The following ZBTB38 variants were observed in gnomAD, a reference collection of about 807,000 sequenced individuals.
ZBTB38 encodes the protein zinc finger and BTB domain containing 38, also known as zinc finger and BTB domain-containing protein 38.
ZBTB38 carries 20 observed loss-of-function variants against 76.8 expected under a neutral mutation model. That is an observed-to-expected ratio of 0.26 (90% confidence interval 0.18 to 0.38). The LOEUF (loss-of-function observed/expected upper bound fraction) is 0.38. Among genes scored for constraint, ZBTB38 ranks in the 10% least tolerant of loss-of-function variants. The pLI, the probability that ZBTB38 is intolerant of heterozygous loss-of-function variation, is 1.00. For missense variants in ZBTB38, 1,082 were observed against 1,482.3 expected (o/e 0.73, Z 4.43); for synonymous variants, 504 against 544.2 (o/e 0.93, Z 1.03).
At chr3:141,416,333 GGTT>G (rs1370607011) in intron 5 of ZBTB38, among the ~76,000 whole-genome samples, 5 of 152,196 alleles carry the variant, frequency 3.3e-5, no homozygotes, top group East Asian at 3.8e-4. Context: ...GTGAATTTAT[GGTT>G]GTTGTGATTT....
upstream of ZBTB38, among the ~76,000 whole-genome samples, chr3:141,364,941 G>GA (rs1428072097): frequency 2.0e-5 from 3 of 152,108 alleles, no homozygotes; most frequent in Non-Finnish European, 4.4e-5. Context: ...AATTGCTAGT[G>GA]AGAATGTAAA....
intron 5 of ZBTB38, among the ~76,000 whole-genome samples, chr3:141,430,665 G>A (rs1041286427): frequency 6.6e-6 from 1 of 152,224 alleles, no homozygotes; most frequent in Non-Finnish European, 1.5e-5. Flanking sequence ...GGAGTGGGGA[G>A]CGGCAGTGCA....
At chr3:141,351,312 G>A (rs191578073) in intron 1 of ZBTB38, among the ~76,000 whole-genome samples, 10 of 151,376 alleles carry the variant, frequency 6.6e-5, no homozygotes, top group African/African-American at 2.4e-4. Context: ...TTTAAAAAGA[G>A]GCATATGACA....
intron 2 of ZBTB38, among the ~76,000 whole-genome samples, chr3:141,375,805 T>C (rs4683604): frequency 0.025 from 3,730 of 152,242 alleles, 107 homozygotes; most frequent in Admixed American, 0.086. Flanking sequence ...GGAGTCCCAC[T>C]GTGTGACCTC....
intron 1 of ZBTB38, among the ~76,000 whole-genome samples, chr3:141,347,598 G>T (rs1943400737): frequency 6.6e-6 from 1 of 152,130 alleles, no homozygotes; most frequent in African/African-American, 2.4e-5. Context: ...GATTTCTCTG[G>T]CTGCCAGGTC....
chr3:141,324,524 C>T (rs145647722), intron 1 of ZBTB38: 17 of 152,266 alleles, frequency 1.1e-4, no homozygotes, highest in African/African-American at 2.9e-4. Flanking sequence ...TCATGAATTC[C>T]ATTAGTGTAT....
chr3:141,436,151 A>C (rs1414068673), intron 5 of ZBTB38, among the ~76,000 whole-genome samples: 1 of 152,208 alleles, frequency 6.6e-6, no homozygotes, highest in African/African-American at 2.4e-5. Flanking sequence ...AGGTTGCTTT[A>C]AAGTAACTTT....
At chr3:141,384,119 C>T (rs1946596285) in intron 3 of ZBTB38, among the ~76,000 whole-genome samples, 1 of 152,214 alleles carries the variant, frequency 6.6e-6, no homozygotes, top group South Asian at 2.1e-4. Flanking sequence ...GGTAAACGTA[C>T]CACGTTTACT....
intron 5 of ZBTB38, among the ~76,000 whole-genome samples, chr3:141,415,695 G>A (rs2073849376): frequency 6.6e-6 from 1 of 152,200 alleles, no homozygotes; most frequent in East Asian, 1.9e-4. Flanking sequence ...TTGGTCTTAG[G>A]CGGTGGGGTT....
At chr3:141,334,115 T>C (rs1225747704) in intron 1 of ZBTB38, among the ~76,000 whole-genome samples, 1 of 152,150 alleles carries the variant, frequency 6.6e-6, no homozygotes, top group Non-Finnish European at 1.5e-5. Flanking sequence ...CATTTTCTTC[T>C]AGCACTAGAC....
intron 4 of ZBTB38, among the ~76,000 whole-genome samples, chr3:141,400,905 C>T (rs1951725891): frequency 6.6e-6 from 1 of 152,194 alleles, no homozygotes; most frequent in Non-Finnish European, 1.5e-5. Flanking sequence ...GAATCCAAAG[C>T]GGAATTGCCT....
At chr3:141,436,808 A>T (rs2078918255) in intron 5 of ZBTB38, among the ~76,000 whole-genome samples, 1 of 152,084 alleles carries the variant, frequency 6.6e-6, no homozygotes, top group East Asian at 1.9e-4. Flanking sequence ...AGCTATCTTG[A>T]TTTTTATGTT....
intron 5 of ZBTB38, chr3:141,426,062 C>A: frequency 9.2e-7 from 1 of 1,088,024 alleles, no homozygotes; most frequent in Non-Finnish European, 1.2e-6. Context: ...CAAATGATGT[C>A]ACAATGGGGA....
chr3:141,429,209 C>G (rs2076961641), intron 5 of ZBTB38, among the ~76,000 whole-genome samples: 1 of 151,776 alleles, frequency 6.6e-6, no homozygotes, highest in Non-Finnish European at 1.5e-5. Flanking sequence ...CAAGGGGGAT[C>G]GTGAGTACAG....
At chr3:141,378,600 C>A (rs1448872005) in intron 2 of ZBTB38, among the ~76,000 whole-genome samples, 1 of 152,238 alleles carries the variant, frequency 6.6e-6, no homozygotes, top group Non-Finnish European at 1.5e-5. Flanking sequence ...ATGTTTAAAA[C>A]AGGGTTCTCC....
In ZBTB38 at chr3:141,445,070, C is replaced by G. The variant is rs376162018; in HGVS notation, c.2682C>G (p.Ser894=). 2 of 1,614,100 alleles carry G rather than the reference C, an allele frequency of 1.2e-6. 1 individual carries two copies. The highest frequency in any genetic ancestry group is 3.3e-5 in the Admixed American group (2 of 60,026). The change falls in exon 6 of 6, where the codon TCC becomes TCG. Residue 894 remains serine, a synonymous_variant. Transcript: ENST00000321464. This position sits in a 1 kb window ranked among gnomAD's most constrained non-coding sequence, Gnocchi z 6.5. ...ACAGCCCACTCGGGCTTTGCCAATC[C>G]GAGTGCATGGAGATGAGTGAAGTGT... ...SGDSPLGLCQ[S]ECMEMSEVFD...
At chr3:141,362,063 G>A (rs1263240100) in intron 1 of ZBTB38, among the ~76,000 whole-genome samples, 1 of 152,072 alleles carries the variant, frequency 6.6e-6, no homozygotes, top group Non-Finnish European at 1.5e-5. Context: ...TCTATCACTT[G>A]CAACCCATGC....
intron 1 of ZBTB38, among the ~76,000 whole-genome samples, chr3:141,326,974 G>A (rs1398988333): frequency 6.6e-6 from 1 of 152,144 alleles, no homozygotes; most frequent in Non-Finnish European, 1.5e-5. Context: ...ATGCCCGAAG[G>A]GAAGTCATTT....
In ZBTB38 at chr3:141,443,776, T is replaced by C; in HGVS notation, c.1388T>C (p.Val463Ala). The C allele has an allele frequency of 6.2e-7, 1 of 1,613,934 alleles. No individual in the cohort carries two copies. Among genetic ancestry groups the C allele is most frequent in the East Asian group, 2.2e-5 (1 of 44,892 alleles). Reference protein sequence around the residue: ...FVNGQMLYSCVVCKRSYVTLS... With the variant: ...FVNGQMLYSCAVCKRSYVTLS... ...AATGGGCAAATGCTCTACAGTTGCG[T>C]TGTGTGCAAACGTAGTTATGTGACC... Residue 463 changes from valine to alanine, a missense_variant, in exon 6 of 6, where the codon GTT becomes GCT. Val to Ala is a moderately conservative substitution (Grantham distance 64). Around this residue, in one of 8 missense-constraint regions of ZBTB38, gnomAD observed 60 missense variants for 126.0 expected, o/e 0.48. Coordinates refer to ENST00000321464, the MANE Select transcript of ZBTB38 (RefSeq NM_001376113.1). This position sits in a 1 kb window ranked among gnomAD's most constrained non-coding sequence, Gnocchi z 5.6.
Sources: allele counts gnomAD v4.1 joint callset (sites outside exome capture counted in the v4.1 genomes callset), GRCh38; gene constraint gnomAD v4.1.1; regional missense constraint gnomAD v4.1.1; non-coding constraint Gnocchi (gnomAD v3.1); transcripts MANE v1.5; gene names NCBI Gene and HGNC (gene_info 2026-07-23, HGNC 2026-07-21).